Variants in PEAK1 observed in about 807,000 individuals in gnomAD.
PEAK1 encodes pseudopodium enriched atypical kinase 1.
In PEAK1, 54 loss-of-function variants were observed where a neutral mutation model predicts 124.7. The observed-to-expected ratio is 0.43, with a 90% CI of 0.35 to 0.54. PEAK1 has a LOEUF of 0.54. Among genes scored for constraint, PEAK1 ranks in the 20% least tolerant of loss-of-function variants. The pLI is 0.01. For missense variants in PEAK1, 2,046 were observed against 2,134.5 expected (o/e 0.96, Z 0.82); for synonymous variants, 719 against 760.0 (o/e 0.95, Z 0.89).
intron 5 of PEAK1, 151 bp downstream of exon 5, chr15:77,283,732 A>C (rs971204521): frequency 4.8e-6 from 1 of 207,192 alleles, no homozygotes; most frequent in African/African-American, 2.4e-5. Context: ...TTTATTATAA[A>C]GTATGATTTC....
intron 5 of PEAK1, among the ~76,000 whole-genome samples, chr15:77,258,080 G>C (rs2061256405): frequency 6.6e-6 from 1 of 152,134 alleles, no homozygotes; most frequent in African/African-American, 2.4e-5. Context: ...CTGTTCCATT[G>C]ATCTATATCT....
intron 9 of PEAK1, among the ~76,000 whole-genome samples, chr15:77,121,954 T>C (rs2051957097): frequency 6.6e-6 from 1 of 152,176 alleles, no homozygotes. Context: ...AATGAAACCC[T>C]GCAACTTCTA....
At chr15:77,260,867 C>T (rs2061404136) in intron 5 of PEAK1, among the ~76,000 whole-genome samples, 1 of 152,164 alleles carries the variant, frequency 6.6e-6, no homozygotes, top group Non-Finnish European at 1.5e-5. Flanking sequence ...CTGGGAGGCA[C>T]CCCCCAGTAG....
At chr15:77,358,053 T>C (rs539036108) in intron 2 of PEAK1, among the ~76,000 whole-genome samples, 5 of 152,344 alleles carry the variant, frequency 3.3e-5, no homozygotes, top group African/African-American at 2.4e-5. Flanking sequence ...GTTGCATCCA[T>C]GAGCACTTCC....
At chr15:77,413,838 C>A (rs1334649647) in intron 1 of PEAK1, among the ~76,000 whole-genome samples, 1 of 152,112 alleles carries the variant, frequency 6.6e-6, no homozygotes, top group African/African-American at 2.4e-5. Context: ...CTGTTTGTTT[C>A]TTTGAGACAG....
At chr15:77,322,197 T>C (rs540125797) in intron 2 of PEAK1, among the ~76,000 whole-genome samples, 42 of 152,030 alleles carry the variant, frequency 2.8e-4, no homozygotes, top group South Asian at 1.9e-3. Flanking sequence ...AAATTGACAC[T>C]CTAACATCAC....
chr15:77,166,598 A>C (rs898210548), intron 7 of PEAK1, among the ~76,000 whole-genome samples: 1 of 152,234 alleles, frequency 6.6e-6, no homozygotes, highest in African/African-American at 2.4e-5. Flanking sequence ...TAAGTCTCAC[A>C]ACAACTTACT....
chr15:77,185,193 T>C (rs968623536), intron 6 of PEAK1, among the ~76,000 whole-genome samples: 3 of 152,154 alleles, frequency 2.0e-5, no homozygotes, highest in Non-Finnish European at 4.4e-5. Context: ...GATGACAACA[T>C]TGGAGGAGGT....
At chr15:77,185,653 G>C (rs1386727660) in intron 6 of PEAK1, among the ~76,000 whole-genome samples, 1 of 152,180 alleles carries the variant, frequency 6.6e-6, no homozygotes, top group Admixed American at 6.5e-5. Context: ...TGAGATAATA[G>C]AGCAATGGTA....
At chr15:77,419,725 CG>C in intron 1 of PEAK1, 1 of 947,232 alleles carries the variant, frequency 1.1e-6, no homozygotes, top group Non-Finnish European at 1.3e-6. Flanking sequence ...GTCGCGCTCC[CG>C]GGGCCGCCGC....
At chr15:77,140,219 G>A (rs930732248) in intron 8 of PEAK1, among the ~76,000 whole-genome samples, 5 of 152,096 alleles carry the variant, frequency 3.3e-5, no homozygotes, top group Non-Finnish European at 7.4e-5. Flanking sequence ...TAGAACAGGA[G>A]GAAGGAATGC....
chr15:77,304,376 A>G (rs79103397), intron 2 of PEAK1, among the ~76,000 whole-genome samples: 9 of 150,796 alleles, frequency 6.0e-5, no homozygotes, highest in Non-Finnish European at 1.3e-4. Flanking sequence ...ACCTATAGAT[A>G]TCTGTACGTA....
At chr15:77,325,878 T>A (rs1228480759) in intron 2 of PEAK1, among the ~76,000 whole-genome samples, 2 of 152,112 alleles carry the variant, frequency 1.3e-5, no homozygotes, top group Non-Finnish European at 2.9e-5. Context: ...GGTTACCTTA[T>A]ATAAAGTTAA....
chr15:77,286,382 C>G, intron 3 of PEAK1, 41 bp downstream of exon 3: 1 of 1,031,776 alleles, frequency 9.7e-7, no homozygotes, highest in Non-Finnish European at 1.2e-6. Flanking sequence ...GATTTAAGAC[C>G]AGAATAAACA....
chr15:77,244,338 T>C (rs2060485192), intron 6 of PEAK1, among the ~76,000 whole-genome samples: 1 of 152,202 alleles, frequency 6.6e-6, no homozygotes, highest in Non-Finnish European at 1.5e-5. Flanking sequence ...TATTGGAGTT[T>C]AGCTATCAAA....
chr15:77,226,825 T>C (rs2059698925), intron 6 of PEAK1, among the ~76,000 whole-genome samples: 1 of 152,136 alleles, frequency 6.6e-6, no homozygotes, highest in African/African-American at 2.4e-5. Flanking sequence ...TACTTCCTTA[T>C]AACGTATTAC....
chr15:77,283,125 T>A (rs1322008485), intron 5 of PEAK1, among the ~76,000 whole-genome samples: 1 of 152,176 alleles, frequency 6.6e-6, no homozygotes, highest in African/African-American at 2.4e-5. Flanking sequence ...GAGAATCTTA[T>A]AATGGACTCT....
At chr15:77,117,519 A>G (rs575177252) in intron 9 of PEAK1, among the ~76,000 whole-genome samples, 11 of 152,352 alleles carry the variant, frequency 7.2e-5, no homozygotes, top group African/African-American at 2.6e-4. Flanking sequence ...GAGAATCCTA[A>G]TTTTTTGAAA....
chr15:77,183,727 G>C (rs1005948287), intron 6 of PEAK1, among the ~76,000 whole-genome samples: 1 of 151,934 alleles, frequency 6.6e-6, no homozygotes, highest in African/African-American at 2.4e-5. Flanking sequence ...AAAGGACTTT[G>C]TATTTGGAAT....
Sources: gnomAD v4.1 joint callset for allele counts (sites outside exome capture counted in the v4.1 genomes callset) on GRCh38, gnomAD v4.1.1 for gene constraint, MANE v1.5 for transcripts, NCBI Gene and HGNC (gene_info 2026-07-23, HGNC 2026-07-21) for gene names.